The following PTPRD variants were observed in gnomAD, a reference collection of about 807,000 sequenced individuals.
PTPRD encodes the protein receptor-type tyrosine-protein phosphatase delta.
A neutral mutation model predicts 214.5 loss-of-function variants in PTPRD; 34 were observed. The observed-to-expected ratio is 0.16, with a 90% confidence interval of 0.12 to 0.21. The LOEUF (loss-of-function observed/expected upper bound fraction) is 0.21, where lower values mean the gene tolerates loss of function less well. Ranked by LOEUF, PTPRD falls within the 10% of genes least tolerant of loss-of-function variation. PTPRD has a pLI of 1.00. For missense variants in PTPRD, 2,545 were observed against 2,398.7 expected (o/e 1.06, Z -1.27); for synonymous variants, 1,128 against 845.7 (o/e 1.33, Z -5.79).
chr9:8,850,231 G>A (rs1255784172), intron 11 of PTPRD, among the ~76,000 whole-genome samples: 1 of 152,106 alleles, frequency 6.6e-6, no homozygotes, highest in African/African-American at 2.4e-5. Context: ...GAACTCCAGA[G>A]ACAAGCGAGG....
chr9:9,953,409 G>C, intron 4 of PTPRD, among the ~76,000 whole-genome samples: 1 of 151,526 alleles, frequency 6.6e-6, no homozygotes, highest in Non-Finnish European at 1.5e-5. Flanking sequence ...CAACACTATA[G>C]AATTCAACCA....
intron 2 of PTPRD, among the ~76,000 whole-genome samples, chr9:10,550,149 C>A (rs2060988896): frequency 6.6e-6 from 1 of 152,200 alleles, no homozygotes; most frequent in Admixed American, 6.5e-5. Context: ...CTGACAATAA[C>A]CCATTGCTAA....
intron 9 of PTPRD, among the ~76,000 whole-genome samples, chr9:9,214,629 G>C (rs892562207): frequency 6.6e-6 from 1 of 152,090 alleles, no homozygotes; most frequent in African/African-American, 2.4e-5. Context: ...AGACCTCTCT[G>C]TGACTTTTTT....
chr9:10,052,356 TC>T (rs2097549418), intron 3 of PTPRD, among the ~76,000 whole-genome samples: 1 of 152,010 alleles, frequency 6.6e-6, no homozygotes, highest in African/African-American at 2.4e-5. Flanking sequence ...AGTGGCAAAC[TC>T]CCAAAAGAAG....
intron 35 of PTPRD, among the ~76,000 whole-genome samples, chr9:8,410,030 T>A (rs1262664109): frequency 2.0e-5 from 3 of 152,214 alleles, no homozygotes; most frequent in Non-Finnish European, 4.4e-5. Context: ...TTCTGAGGTT[T>A]AGAAGAGCAA....
intron 9 of PTPRD, among the ~76,000 whole-genome samples, chr9:9,199,117 A>G (rs919062660): frequency 6.6e-6 from 1 of 152,178 alleles, no homozygotes; most frequent in East Asian, 1.9e-4. Flanking sequence ...TGATGAGTGC[A>G]CAAGGAGACA....
chr9:9,774,873 A>G (rs1332525814), intron 5 of PTPRD, among the ~76,000 whole-genome samples: 1 of 152,224 alleles, frequency 6.6e-6, no homozygotes, highest in Non-Finnish European at 1.5e-5. Flanking sequence ...TATGCATGAT[A>G]GTACCTCATA....
chr9:10,532,944 T>C (rs1013078281), intron 2 of PTPRD, among the ~76,000 whole-genome samples: 2 of 152,030 alleles, frequency 1.3e-5, no homozygotes, highest in Non-Finnish European at 2.9e-5. Flanking sequence ...TGATTCCCAG[T>C]GTGGCAGTGT....
intron 5 of PTPRD, among the ~76,000 whole-genome samples, chr9:9,865,094 T>C (rs1052659921): frequency 2.0e-5 from 3 of 152,196 alleles, no homozygotes; most frequent in African/African-American, 7.2e-5. Flanking sequence ...GCAAATCTAC[T>C]GTTTCTAAAA....
intron 3 of PTPRD, among the ~76,000 whole-genome samples, chr9:10,170,633 G>C (rs1161294573): frequency 6.6e-6 from 1 of 152,140 alleles, no homozygotes; most frequent in Non-Finnish European, 1.5e-5. Context: ...CTTGCAGTGA[G>C]TCGAGATCGC....
intron 4 of PTPRD, among the ~76,000 whole-genome samples, chr9:9,963,789 G>A (rs1444409194): frequency 6.6e-6 from 1 of 152,158 alleles, no homozygotes; most frequent in Non-Finnish European, 1.5e-5. Flanking sequence ...TTTAGTTCCT[G>A]AAGGGTACCA....
intron 5 of PTPRD, among the ~76,000 whole-genome samples, chr9:9,888,737 G>A (rs79975614): frequency 0.016 from 2,465 of 152,160 alleles, 61 homozygotes; most frequent in African/African-American, 0.057. Context: ...GAGCCAAATA[G>A]GCCTCTTTTC....
chr9:8,368,480 T>C (rs1276179824), intron 39 of PTPRD, among the ~76,000 whole-genome samples: 2 of 152,102 alleles, frequency 1.3e-5, no homozygotes, highest in Non-Finnish European at 2.9e-5. Context: ...ACCTGATATA[T>C]GATTTTGAAG....
At position 9,927,087 on chromosome 9, in the gene PTPRD, C is replaced by T. The variant is rs141658297; in HGVS notation, c.-368+11420G>A. On this transcript the variant is annotated intron_variant, in intron 5 of 45. Coordinates refer to ENST00000381196, the MANE Select transcript of PTPRD (RefSeq NM_002839.4). ...TATTAGTTTTGTGATATTTAAGCACCGCTATAAACATCACAGATTTTGTAA... is the reference window on the plus strand; with the variant it reads ...TATTAGTTTTGTGATATTTAAGCACTGCTATAAACATCACAGATTTTGTAA... Among the ~76,000 whole-genome samples the T allele has an allele frequency of 1.4e-3, 218 of 152,024 alleles. 1 individual carries two copies. The highest frequency in any genetic ancestry group is 4.7e-3 in the African/African-American group (193 of 41,472).
At chr9:9,953,846 C>T (rs1430521725) in intron 4 of PTPRD, among the ~76,000 whole-genome samples, 1 of 152,130 alleles carries the variant, frequency 6.6e-6, no homozygotes, top group Non-Finnish European at 1.5e-5. Context: ...CTACATGATG[C>T]CCAGAAGAAA....
chr9:9,861,953 T>C (rs2062868779), intron 5 of PTPRD, among the ~76,000 whole-genome samples: 1 of 152,196 alleles, frequency 6.6e-6, no homozygotes, highest in Non-Finnish European at 1.5e-5. Context: ...CTCAAAAATA[T>C]TTGGTTATTT....
At chr9:9,330,573 T>C (rs1298234973) in intron 9 of PTPRD, among the ~76,000 whole-genome samples, 2 of 152,108 alleles carry the variant, frequency 1.3e-5, no homozygotes, top group Non-Finnish European at 2.9e-5. Flanking sequence ...TAAAAGTCTG[T>C]TCAGTACATC....
In PTPRD at chr9:9,565,490, G is replaced by T. The variant is rs190471393; in HGVS notation, c.-237+9242C>A. ...TATTTTGATACCTCACAATCTGAAT[G>T]CAGAATGATGATGGATTTCTGAAGA... On this transcript the variant is annotated intron_variant, in intron 8 of 45. Coordinates refer to ENST00000381196, the MANE Select transcript of PTPRD (RefSeq NM_002839.4). 1.2e-3 allele frequency among the ~76,000 whole-genome samples: 175 copies of T among 151,966 alleles called. 6 individuals are homozygous for T. Among genetic ancestry groups the T allele is most frequent in the Admixed American group, 0.01 (154 of 15,248 alleles).
chr9:10,555,871 T>A (rs2062454896), intron 2 of PTPRD, among the ~76,000 whole-genome samples: 1 of 151,832 alleles, frequency 6.6e-6, no homozygotes, highest in Admixed American at 6.6e-5. Flanking sequence ...AAATATCAAA[T>A]TAGTGAATAA....
Sources: gnomAD v4.1 joint callset for allele counts (sites outside exome capture counted in the v4.1 genomes callset) on GRCh38, gnomAD v4.1.1 for gene constraint, MANE v1.5 for transcripts, NCBI Gene and HGNC (gene_info 2026-07-23, HGNC 2026-07-21) for gene names.